Variants in VPS52 observed in about 807,000 individuals in gnomAD.
VPS52 encodes VPS52 subunit of GARP complex.
VPS52 carries 56 observed loss-of-function variants against 98.7 expected under a neutral mutation model. The ratio of observed to expected loss-of-function variants is 0.57; its 90% CI spans 0.46 to 0.71. VPS52 has a LOEUF of 0.71. Among genes scored for constraint, VPS52 ranks in the 30% least tolerant of loss-of-function variants. VPS52 has a pLI of 0.00. For synonymous variants in VPS52, 348 were observed against 346.4 expected, an observed-to-expected ratio of 1.00 and a Z score of -0.05; for missense variants, 742 against 925.9, an observed-to-expected ratio of 0.80 and a Z score of 2.58.
At chr6:33,264,657 G>A (rs544473230) in intron 13 of VPS52, 125 bp downstream of exon 13, 7 of 1,403,214 alleles carry the variant, frequency 5.0e-6, no homozygotes, top group African/African-American at 2.8e-5. Flanking sequence ...TACTGCCTCC[G>A]GAGCAAATGA....
chr6:33,271,798 T>G lies in VPS52; in HGVS notation c.-123A>C, dbSNP rs559808689. ...TTCCCAGATATTTGAGTTAAGTTGT[T>G]TGACTCCAGCTGTCCCCTTTCAGCT... is the stretch of plus-strand genomic sequence containing the variant. On this transcript the variant is annotated 5_prime_UTR_variant, in exon 1 of 20. Coordinates refer to ENST00000445902, the MANE Select transcript of VPS52 (RefSeq NM_022553.6). 2.1e-4 allele frequency: 310 copies of G among 1,461,290 alleles called. 3 individuals are homozygous for G. The African/African-American group carries it at 3.7e-3, about 18-fold the overall frequency. The allele number at this position is 1,461,290 out of a possible 1,614,324, so 90.5% of individuals were successfully genotyped here.
Position 33,268,489 on chromosome 6 carries a change from T to C in VPS52, c.699+10A>G. On this transcript the variant is annotated intron_variant, in intron 7 of 19. Transcript: ENST00000445902. The surrounding 1 kb of genome is among the most constrained non-coding windows in gnomAD (Gnocchi z 4.0). ...CAGTAGCCTCCAGGGTATCCATCCCTACTTCCCACCTTGACCCGGAGCCGA... is the reference window on the plus strand; with the variant it reads ...CAGTAGCCTCCAGGGTATCCATCCCCACTTCCCACCTTGACCCGGAGCCGA... 1 of 1,586,884 alleles carries C rather than the reference T, an allele frequency of 6.3e-7. No individual in the cohort carries two copies. Among genetic ancestry groups the C allele is most frequent in the South Asian group, 1.1e-5 (1 of 88,292 alleles).
In VPS52 at chr6:33,266,612, G is replaced by C; in HGVS notation, c.1226C>G (p.Pro409Arg). 6.2e-7 allele frequency: 1 copy of C among 1,612,868 alleles called. No individual in the cohort carries two copies. The highest frequency in any genetic ancestry group is 8.5e-7 in the Non-Finnish European group (1 of 1,179,964). ...FICEFFVVSG[P>R]AAHDLFHAVM... ...AGCATGGAACAGGTCGTGTGCAGCT[G>C]GGCCAGACACAACAAAAAATTCACA... Residue 409 changes from proline to arginine, a missense_variant, in exon 12 of 20, where the codon CCA becomes CGA. Around this residue, in one of 2 missense-constraint regions of VPS52, gnomAD observed 590 missense variants for 793.3 expected, o/e 0.74. Transcript: ENST00000445902.
At position 33,250,529 on chromosome 6, in the gene VPS52, G is replaced by A. The variant is rs977800006; in HGVS notation, c.*312C>T. On this transcript the variant is annotated 3_prime_UTR_variant, in exon 20 of 20. Coordinates refer to ENST00000445902, the MANE Select transcript of VPS52 (RefSeq NM_022553.6). ...GAGATTGAGGCAGTGGTTTTTACAGGGGAAGAAACAAGCCTTGGGTGTATG... is the reference window on the plus strand; with the variant it reads ...GAGATTGAGGCAGTGGTTTTTACAGAGGAAGAAACAAGCCTTGGGTGTATG... 7 of 338,976 alleles carry A rather than the reference G, an allele frequency of 2.1e-5. No homozygotes were observed. The highest frequency in any genetic ancestry group is 1.5e-4 in the African/African-American group (7 of 47,228). 21.0% of individuals were successfully genotyped at this position (338,976 alleles called of 1,614,324 possible). A position where few individuals can be genotyped will look rare whatever the true frequency, so the allele number is the denominator to read the frequency against.
At chr6:33,257,404 ATT>A (rs1175480598) in intron 17 of VPS52, among the ~76,000 whole-genome samples, 3 of 143,098 alleles carry the variant, frequency 2.1e-5, no homozygotes, top group Non-Finnish European at 1.5e-5. Context: ...AAGGAATTTC[ATT>A]TTTTTTTTTT....
At chr6:33,255,697 C>CAGG (rs1283219068) in intron 17 of VPS52, among the ~76,000 whole-genome samples, 1 of 149,696 alleles carries the variant, frequency 6.7e-6, no homozygotes, top group East Asian at 1.9e-4. Context: ...GAGGCTGAGG[C>CAGG]AGGAAGAATG....
chr6:33,258,386 C>CAAAA (rs9280387), intron 17 of VPS52, among the ~76,000 whole-genome samples: 1 of 88,736 alleles, frequency 1.1e-5, no homozygotes, highest in African/African-American at 4.3e-5. Context: ...AACTCCATCT[C>CAAAA]AAAAAAAAAA....
chr6:33,251,100 G>A (rs761172749), intron 19 of VPS52, 113 bp from the exon 20 acceptor site: 114 of 1,448,206 alleles, frequency 7.9e-5, no homozygotes, highest in Middle Eastern at 6.8e-4. Flanking sequence ...TCCCAGCACT[G>A]TGGGAGGCCA....
At chr6:33,270,169 G>A (rs1242931878) in intron 2 of VPS52, 30 bp downstream of exon 2, 7 of 1,611,746 alleles carry the variant, frequency 4.3e-6, no homozygotes, top group Non-Finnish European at 5.9e-6. Context: ...CAGATTACAG[G>A]TACTGCACCC....
At position 33,268,378 on chromosome 6, in the gene VPS52, G is replaced by A. The variant is rs1006100732; in HGVS notation, c.699+121C>T. ...AGAGAGACAAGAATGGGGCTGCCCA[G>A]AAAAGGCAGGGTGAAGTCCCTGGAG... On this transcript the variant is annotated intron_variant, in intron 7 of 19. Transcript: ENST00000445902. The surrounding 1 kb of genome is among the most constrained non-coding windows in gnomAD (Gnocchi z 4.0). 2.1e-6 allele frequency: 3 copies of A among 1,403,654 alleles called. No individual in the cohort carries two copies. The highest frequency in any genetic ancestry group is 4.3e-5 in the Admixed American group (2 of 46,596). 86.9% of individuals were successfully genotyped at this position (1,403,654 alleles called of 1,614,324 possible). A position where few individuals can be genotyped will look rare whatever the true frequency, so the allele number is the denominator to read the frequency against.
Position 33,266,593 on chromosome 6 carries a change from G to T in VPS52, c.1245C>A (p.Phe415Leu). 1 of 1,612,572 alleles carries T rather than the reference G, an allele frequency of 6.2e-7. No individual in the cohort carries two copies. The highest frequency in any genetic ancestry group is 8.5e-7 in the Non-Finnish European group (1 of 1,179,740). Residue 415 changes from phenylalanine to leucine, a missense_variant, in exon 12 of 20, where the codon TTC becomes TTA. Phe to Leu is a conservative substitution (Grantham distance 22). Around this residue, in one of 2 missense-constraint regions of VPS52, gnomAD observed 590 missense variants for 793.3 expected, o/e 0.74. Coordinates refer to ENST00000445902, the MANE Select transcript of VPS52 (RefSeq NM_022553.6). ...VVSGPAAHDL[F>L]HAVMGRTLSM... is the part of the protein sequence containing the mutation. ...TGAGTGTACGGCCCATGACAGCATG[G>T]AACAGGTCGTGTGCAGCTGGGCCAG... is the stretch of plus-strand genomic sequence containing the variant.
At chr6:33,253,582 G>A (rs966021918) in intron 17 of VPS52, among the ~76,000 whole-genome samples, 4 of 151,548 alleles carry the variant, frequency 2.6e-5, no homozygotes, top group Non-Finnish European at 4.4e-5. Context: ...GTGTGATAAT[G>A]TATTGTAGTT....
At chr6:33,251,819 C>T (rs761927110) in intron 18 of VPS52, 41 bp downstream of exon 18, 2 of 1,598,920 alleles carry the variant, frequency 1.3e-6, no homozygotes, top group Non-Finnish European at 8.6e-7. Flanking sequence ...TTTTCCACTT[C>T]CCTTACCACT....
intron 17 of VPS52, among the ~76,000 whole-genome samples, chr6:33,256,443 T>G (rs1387124623): frequency 1.9e-5 from 2 of 103,854 alleles, no homozygotes; most frequent in African/African-American, 3.8e-5. Flanking sequence ...CCAACCTGAG[T>G]GACAGAGCAA....
At chr6:33,255,560 G>A (rs1762836958) in intron 17 of VPS52, among the ~76,000 whole-genome samples, 1 of 150,252 alleles carries the variant, frequency 6.7e-6, no homozygotes, top group South Asian at 2.1e-4. Context: ...GCCAAGGCGG[G>A]CAGATGACGA....
Position 33,267,068 on chromosome 6 carries a change from C to T in VPS52, c.1125+120G>A, listed in dbSNP as rs939457976. ...CTGGAGTGATTGGAGAAGGCCACTC[C>T]CAAGTCTAAGGGGATTAAGACAGGG... On this transcript the variant is annotated intron_variant, in intron 11 of 19. Coordinates refer to ENST00000445902, the MANE Select transcript of VPS52 (RefSeq NM_022553.6). The surrounding 1 kb of genome is among the most constrained non-coding windows in gnomAD (Gnocchi z 4.2). 1 of 1,368,704 alleles carries T rather than the reference C, an allele frequency of 7.3e-7. No individual in the cohort carries two copies. 84.8% of individuals were successfully genotyped at this position (1,368,704 alleles called of 1,614,324 possible).
intron 17 of VPS52, among the ~76,000 whole-genome samples, chr6:33,254,535 A>G (rs760992464): frequency 9.2e-5 from 14 of 152,226 alleles, no homozygotes; most frequent in Non-Finnish European, 1.3e-4. Context: ...CAGGGAGTAG[A>G]CTTGCCAAAG....
At chr6:33,271,434 T>C in intron 1 of VPS52, 152 bp downstream of exon 1, 1 of 1,123,510 alleles carries the variant, frequency 8.9e-7, no homozygotes. Flanking sequence ...CCGCTCAGGG[T>C]CGGGTCTGAT....
At chr6:33,266,527 G>A (rs766677515) in intron 12 of VPS52, 30 bp downstream of exon 12, 1 of 1,556,178 alleles carries the variant, frequency 6.4e-7, no homozygotes, top group Admixed American at 1.9e-5. Flanking sequence ...GGACAAAGGT[G>A]TTGAATGGTA....
Sources: allele counts gnomAD v4.1 joint callset (sites outside exome capture counted in the v4.1 genomes callset), GRCh38; gene constraint gnomAD v4.1.1; regional missense constraint gnomAD v4.1.1; non-coding constraint Gnocchi (gnomAD v3.1); transcripts MANE v1.5; gene names NCBI Gene and HGNC (gene_info 2026-07-23, HGNC 2026-07-21).